ADAMTSL3: variants seen among roughly 807,000 people sequenced by gnomAD.
The protein encoded by ADAMTSL3 is ADAMTS like 3.
ADAMTSL3 carries 128 observed loss-of-function variants against 201.7 expected under a neutral mutation model. That is an observed-to-expected ratio of 0.63 (90% CI 0.55 to 0.73). ADAMTSL3 has a LOEUF of 0.73. Ranked by LOEUF, ADAMTSL3 falls within the 30% of genes least tolerant of loss-of-function variation. ADAMTSL3 has a pLI of 0.00. For synonymous variants in ADAMTSL3, 738 were observed against 748.4 expected (o/e 0.99, Z 0.23); for missense variants, 1,990 against 2,119.6 (o/e 0.94, Z 1.20).
At chr15:83,701,518 G>A (rs931918048) in intron 2 of ADAMTSL3, among the ~76,000 whole-genome samples, 49 of 152,124 alleles carry the variant, frequency 3.2e-4, no homozygotes, top group Admixed American at 3.0e-3. Flanking sequence ...ATCTTCAATT[G>A]TGCTCTCATA....
intron 23 of ADAMTSL3, among the ~76,000 whole-genome samples, chr15:84,003,444 C>A (rs906465336): frequency 9.9e-5 from 15 of 152,142 alleles, no homozygotes; most frequent in Admixed American, 2.6e-4. Context: ...CCTCAGTGAT[C>A]TTCTGAAGTC....
chr15:83,656,200 T>C (rs2061081065), intron 2 of ADAMTSL3, among the ~76,000 whole-genome samples: 1 of 152,226 alleles, frequency 6.6e-6, no homozygotes, highest in Non-Finnish European at 1.5e-5. Context: ...TGGCCCTAGC[T>C]AAGCTGCTAA....
chr15:83,866,691 A>G (rs1254311045), intron 8 of ADAMTSL3, among the ~76,000 whole-genome samples: 4 of 152,200 alleles, frequency 2.6e-5, no homozygotes, highest in Admixed American at 1.3e-4. Flanking sequence ...GCGCACCAAC[A>G]TGGCACATGT....
rs1186591384 is a variant in ADAMTSL3 at position 83,654,610 on chromosome 15, G to C, written c.-34+334G>C. ...GAGTTACTAAGCAGAAACCTCGCGG[G>C]TCCGAAGGTCCGGCCGGTTGACCAC... is the stretch of plus-strand genomic sequence containing the variant. On this transcript the variant is annotated intron_variant, in intron 1 of 29. Coordinates refer to ENST00000286744, the MANE Select transcript of ADAMTSL3 (RefSeq NM_207517.3). The surrounding 1 kb of genome is among the most constrained non-coding windows in gnomAD (Gnocchi z 5.3). Among the ~76,000 whole-genome samples the C allele has an allele frequency of 6.6e-6, 1 of 152,162 alleles. No individual in the cohort carries two copies. Among genetic ancestry groups the C allele is most frequent in the Non-Finnish European group, 1.5e-5 (1 of 68,042 alleles).
intron 2 of ADAMTSL3, among the ~76,000 whole-genome samples, chr15:83,666,095 A>G (rs528072602): frequency 6.6e-6 from 1 of 152,198 alleles, no homozygotes; most frequent in Non-Finnish European, 1.5e-5. Flanking sequence ...TAGATTTCTG[A>G]TATTCTTCTT....
chr15:83,869,421 C>T (rs2065039995), intron 8 of ADAMTSL3, among the ~76,000 whole-genome samples: 2 of 152,146 alleles, frequency 1.3e-5, no homozygotes, highest in Non-Finnish European at 2.9e-5. Context: ...GTTTTGTATG[C>T]CTGCAAGTAG....
At chr15:83,970,936 A>C (rs888069296) in intron 20 of ADAMTSL3, among the ~76,000 whole-genome samples, 1 of 152,230 alleles carries the variant, frequency 6.6e-6, no homozygotes, top group Non-Finnish European at 1.5e-5. Context: ...GGAGTGTTCC[A>C]TGTAGAAGTT....
chr15:83,791,992 C>G (rs986190656), intron 4 of ADAMTSL3, among the ~76,000 whole-genome samples: 2 of 151,996 alleles, frequency 1.3e-5, no homozygotes, highest in African/African-American at 4.8e-5. Context: ...ACACATGACC[C>G]CAAAAGCCAG....
intron 25 of ADAMTSL3, among the ~76,000 whole-genome samples, chr15:84,019,755 G>A (rs573819360): frequency 3.0e-4 from 46 of 151,820 alleles, no homozygotes; most frequent in South Asian, 2.1e-3. Context: ...AGCCCGGCGC[G>A]GTGGTGCACA....
chr15:83,970,791 G>A (rs976737647), intron 20 of ADAMTSL3, among the ~76,000 whole-genome samples, 154 bp downstream of exon 20: 1 of 152,240 alleles, frequency 6.6e-6, no homozygotes, highest in Non-Finnish European at 1.5e-5. Context: ...TCAGTAGAAC[G>A]TGGAAGACCA....
chr15:84,036,896 C>A lies in ADAMTSL3; in HGVS notation c.4878C>A (p.His1626Gln). 6.2e-7 allele frequency: 1 copy of A among 1,614,156 alleles called. No homozygotes were observed. Among genetic ancestry groups the A allele is most frequent in the Non-Finnish European group, 8.5e-7 (1 of 1,180,032 alleles). Residue 1626 changes from histidine to glutamine, a missense_variant, in exon 29 of 30, where the codon CAC becomes CAA. Physicochemically the swap from His to Gln is conservative, Grantham distance 24. Coordinates refer to ENST00000286744, the MANE Select transcript of ADAMTSL3 (RefSeq NM_207517.3). ...AGTCTCGGAAAGTCGACTGTATCCA[C>A]ACAAGGAGTTGCAAACCTGTGGCCA... is the stretch of plus-strand genomic sequence containing the variant. ...GFQSRKVDCI[H>Q]TRSCKPVAKR...
intron 4 of ADAMTSL3, among the ~76,000 whole-genome samples, chr15:83,795,179 A>T (rs2063405355): frequency 6.6e-6 from 1 of 152,080 alleles, no homozygotes; most frequent in Admixed American, 6.6e-5. Flanking sequence ...TAAATAGAAG[A>T]TTTAATTTAA....
chr15:83,843,255 A>ATTT (rs1180504910), intron 7 of ADAMTSL3, among the ~76,000 whole-genome samples: 68 of 146,714 alleles, frequency 4.6e-4, no homozygotes, highest in African/African-American at 1.7e-3. Flanking sequence ...TTTTTTTAAA[A>ATTT]AAAATCAATT....
intron 2 of ADAMTSL3, among the ~76,000 whole-genome samples, chr15:83,662,364 A>G (rs1348224284): frequency 7.1e-6 from 1 of 140,016 alleles, no homozygotes; most frequent in African/African-American, 2.7e-5. Context: ...ATAGGTGGGA[A>G]TTGAACAGTG....
At chr15:84,018,021 C>G (rs117922127) in intron 25 of ADAMTSL3, among the ~76,000 whole-genome samples, 7,226 of 152,272 alleles carry the variant, frequency 0.047, 235 homozygotes, top group Non-Finnish European at 0.072. Context: ...GAGGAAATTC[C>G]AGTCAGAGAA....
intron 8 of ADAMTSL3, among the ~76,000 whole-genome samples, chr15:83,869,848 G>T (rs1159572662): frequency 1.3e-5 from 2 of 152,082 alleles, no homozygotes; most frequent in African/African-American, 2.4e-5. Context: ...CTCATTTTAG[G>T]TATGAGGCAA....
intron 2 of ADAMTSL3, among the ~76,000 whole-genome samples, chr15:83,667,306 A>G (rs2061261402): frequency 1.3e-5 from 2 of 152,144 alleles, no homozygotes; most frequent in Admixed American, 1.3e-4. Context: ...ACCTCCCTTC[A>G]TTATTACAGT....
At chr15:83,821,016 GTGAGCCAAGA>G (rs1246597320) in intron 6 of ADAMTSL3, among the ~76,000 whole-genome samples, 2 of 152,068 alleles carry the variant, frequency 1.3e-5, no homozygotes, top group Non-Finnish European at 2.9e-5. Context: ...GGAGATTGCA[GTGAGCCAAGA>G]TCACGCCACT....
chr15:83,686,150 A>G (rs1450884990), intron 2 of ADAMTSL3, among the ~76,000 whole-genome samples: 3 of 152,304 alleles, frequency 2.0e-5, no homozygotes, highest in East Asian at 3.9e-4. Context: ...CCTTCTGAAC[A>G]CTTAAAGACG....
Sources: gnomAD v4.1 joint callset for allele counts (sites outside exome capture counted in the v4.1 genomes callset) on GRCh38, gnomAD v4.1.1 for gene constraint, Gnocchi (gnomAD v3.1) non-coding constraint, MANE v1.5 for transcripts, NCBI Gene and HGNC (gene_info 2026-07-23, HGNC 2026-07-21) for gene names.